PLA2G4D: variants seen among roughly 807,000 people sequenced by gnomAD.
PLA2G4D encodes the protein phospholipase A2 group IVD.
A neutral mutation model predicts 94.4 loss-of-function variants in PLA2G4D; 80 were observed. The observed-to-expected ratio is 0.85, with a 90% CI of 0.71 to 1.02. PLA2G4D has a LOEUF of 1.02. Among genes scored for constraint, PLA2G4D ranks in the 50% least tolerant of loss-of-function variants. PLA2G4D has a pLI of 0.00. For missense variants in PLA2G4D, 1,050 were observed against 1,034.7 expected (o/e 1.01, Z -0.20); for synonymous variants, 438 against 440.9 (o/e 0.99, Z 0.08).
At chr15:42,081,219 C>G (rs1029550996) in intron 11 of PLA2G4D, 86 bp from the exon 12 acceptor site, 4 of 1,547,638 alleles carry the variant, frequency 2.6e-6, no homozygotes, top group Non-Finnish European at 3.5e-6. Flanking sequence ...CGCTCCTTGT[C>G]TCCAGGGAAG....
At chr15:42,085,207 T>C in intron 5 of PLA2G4D, 69 bp from the exon 6 acceptor site, 1 of 1,570,938 alleles carries the variant, frequency 6.4e-7, no homozygotes, top group Non-Finnish European at 8.8e-7. Context: ...CCATGTGGGG[T>C]CTCCCTGGGT....
chr15:42,088,898 A>G (rs185247259), intron 1 of PLA2G4D, among the ~76,000 whole-genome samples: 8 of 152,264 alleles, frequency 5.3e-5, no homozygotes, highest in Admixed American at 2.0e-4. Flanking sequence ...GGCACCAAGC[A>G]CATGAAGGCC....
rs776950765 is a variant in PLA2G4D, at chr15:42,068,884, G to A, written c.2288C>T (p.Thr763Ile). ...QGGQVDLTGA[T>I]CPYTLSNMTY... is the part of the protein sequence containing the mutation. ...CATGTTGGACAGGGTGTAGGGGCAG[G>A]TGGCCCCGGTGAGATCCACTTGGCC... The change falls in exon 20 of 20, where the codon ACC becomes ATC. Residue 763 changes from threonine (T) to isoleucine (I), a missense_variant. Transcript: ENST00000290472. 11 of 1,613,436 alleles carry A rather than the reference G, an allele frequency of 6.8e-6. No individual in the cohort carries two copies. The highest frequency in any genetic ancestry group is 9.3e-6 in the Non-Finnish European group (11 of 1,180,004).
At chr15:42,071,364 TC>T (rs754009281) in intron 16 of PLA2G4D, 47 bp from the exon 17 acceptor site, 141 of 1,568,508 alleles carry the variant, frequency 9.0e-5, no homozygotes, top group Admixed American at 1.3e-4. Context: ...CCTTACTTCT[TC>T]CCCTCAGACA....
chr15:42,081,760 G>A (rs575564213), intron 10 of PLA2G4D, 37 bp downstream of exon 10: 19 of 1,613,824 alleles, frequency 1.2e-5, no homozygotes, highest in African/African-American at 8.0e-5. Flanking sequence ...CTGCATGCCC[G>A]CCTCTCACTG....
At chr15:42,081,679 C>A in intron 10 of PLA2G4D, 65 bp from the exon 11 acceptor site, 1 of 1,610,086 alleles carries the variant, frequency 6.2e-7, no homozygotes, top group East Asian at 2.2e-5. Context: ...GCTGGCCAAG[C>A]CCACAATGAG....
chr15:42,071,639 C>T lies in PLA2G4D; in HGVS notation c.1574-88G>A, dbSNP rs1889821390. 6 of 1,485,936 alleles carry T rather than the reference C, an allele frequency of 4.0e-6. No individual in the cohort carries two copies. The East Asian group carries it at 1.4e-4, about 34-fold the overall frequency. 92.0% of individuals were successfully genotyped at this position (1,485,936 alleles called of 1,614,324 possible). A position where few individuals can be genotyped will look rare whatever the true frequency, so the allele number is the denominator to read the frequency against. ...ATGGAAAATGGGAGTGGGGCGAGGG[C>T]TACCCCTACAATGCATCCCCCCCGC... On this transcript the variant is annotated intron_variant, in intron 15 of 19. Transcript: ENST00000290472.
At chr15:42,072,103 A>G (rs1889836046) in intron 14 of PLA2G4D, among the ~76,000 whole-genome samples, 172 bp downstream of exon 14, 1 of 152,144 alleles carries the variant, frequency 6.6e-6, no homozygotes, top group Admixed American at 6.5e-5. Context: ...CACACCCTCA[A>G]GCACTACCCA....
At chr15:42,091,367 T>C (rs1890241265) in intron 1 of PLA2G4D, among the ~76,000 whole-genome samples, 1 of 152,174 alleles carries the variant, frequency 6.6e-6, no homozygotes, top group African/African-American at 2.4e-5. Flanking sequence ...AACCAGGCCA[T>C]ACAGAGATAG....
intron 13 of PLA2G4D, among the ~76,000 whole-genome samples, chr15:42,075,501 G>A (rs917658058): frequency 5.9e-5 from 9 of 152,188 alleles, no homozygotes; most frequent in African/African-American, 2.2e-4. Context: ...AATATTTCTA[G>A]TAATTAAGTT....
In PLA2G4D at chr15:42,077,930, G is replaced by A. The variant is rs1031389183; in HGVS notation, c.1317+1607C>T. Reference sequence around the variant, plus strand: ...TTGGAGACTGGCTGAAACAGGGAAGGGCTGAAAGCACCTCTCTGTAAGGCA... The same window carrying A: ...TTGGAGACTGGCTGAAACAGGGAAGAGCTGAAAGCACCTCTCTGTAAGGCA... On this transcript the variant is annotated intron_variant, in intron 13 of 19. Transcript: ENST00000290472. Among the ~76,000 whole-genome samples the A allele has an allele frequency of 2.6e-5, 4 of 152,202 alleles. No homozygotes were observed. The East Asian group carries it at 7.7e-4, about 29-fold the overall frequency.
At chr15:42,071,679 GTC>G in intron 15 of PLA2G4D, 93 bp downstream of exon 15, 7 of 1,055,040 alleles carry the variant, frequency 6.6e-6, no homozygotes, top group Non-Finnish European at 9.6e-6. Flanking sequence ...CCTCCCCCTT[GTC>G]CTGAGGTTCT....
chr15:42,081,182 C>T, intron 11 of PLA2G4D, 49 bp from the exon 12 acceptor site: 1 of 1,593,302 alleles, frequency 6.3e-7, no homozygotes, highest in Non-Finnish European at 8.6e-7. Flanking sequence ...GGGCCAGCTG[C>T]CTCCTGTCTC....
intron 12 of PLA2G4D, 111 bp downstream of exon 12, chr15:42,080,886 C>T: frequency 2.2e-6 from 3 of 1,368,780 alleles, no homozygotes; most frequent in Non-Finnish European, 2.9e-6. Context: ...CCCATCAGAT[C>T]ACAATGATCA....
chr15:42,069,978 A>G lies in PLA2G4D; in HGVS notation c.2161T>C (p.Cys721Arg). Residue 721 changes from cysteine to arginine, a missense_variant, in exon 19 of 20, where the codon TGC becomes CGC. Coordinates refer to ENST00000290472, the MANE Select transcript of PLA2G4D (RefSeq NM_178034.4). The stretch of plus-strand genomic sequence containing the variant: ...TGCAGCAGGATCGGGGCCTCGGGGC[A>G]GGCGGGGTCTGAGAAGAGGTGGCAT... Reference protein sequence around the residue: ...RECHLFSDPACPEAPILLHFP... With the variant: ...RECHLFSDPARPEAPILLHFP... 2.7e-6 allele frequency: 4 copies of G among 1,477,142 alleles called. No individual in the cohort carries two copies. The highest frequency in any genetic ancestry group is 3.6e-6 in the Non-Finnish European group (4 of 1,118,154). The allele number at this position is 1,477,142 out of a possible 1,614,324, so 91.5% of individuals were successfully genotyped here.
intron 13 of PLA2G4D, among the ~76,000 whole-genome samples, chr15:42,078,579 A>T (rs1404917013): frequency 6.6e-6 from 1 of 152,242 alleles, no homozygotes; most frequent in African/African-American, 2.4e-5. Flanking sequence ...AATAATATTT[A>T]AAGAAAAAAG....
rs541094132 is a variant in PLA2G4D, at chr15:42,085,577, T to C, written c.388-46A>G. On this transcript the variant is annotated intron_variant, in intron 4 of 19. Transcript: ENST00000290472. ...CAAGTCATCAGCACATACCTGTGTC[T>C]TCAGAGTTGACACAGTTCTTTTACA... The C allele has an allele frequency of 6.3e-6, 10 of 1,582,054 alleles. No homozygotes were observed. In the East Asian group the frequency reaches 2.0e-4, roughly 32 times the overall value.
In PLA2G4D at chr15:42,087,693, G is replaced by A. The variant is rs1187131463; in HGVS notation, c.53C>T (p.Ala18Val). The A allele has an allele frequency of 1.2e-6, 2 of 1,614,090 alleles. No individual in the cohort carries two copies. The highest frequency in any genetic ancestry group is 8.5e-7 in the Non-Finnish European group (1 of 1,180,004). The part of the protein sequence containing the change: ...GPPGHPYQGE[A>V]STCWQLTVRV... ...CACTGTGAGCTGCCAGCAGGTAGAG[G>A]CCTCCCCCTGAAGAGAAAATCAAAC... Residue 18 changes from alanine to valine, a missense_variant, in exon 2 of 20, where the codon GCC becomes GTC. Transcript: ENST00000290472.
intron 18 of PLA2G4D, 159 bp downstream of exon 18, chr15:42,070,558 C>G: frequency 4.2e-6 from 4 of 944,596 alleles, no homozygotes; most frequent in Non-Finnish European, 6.2e-6. Context: ...CCAGCCTTCC[C>G]ACCTAAGGAC....
Sources: allele counts gnomAD v4.1 joint callset (sites outside exome capture counted in the v4.1 genomes callset), GRCh38; gene constraint gnomAD v4.1.1; transcripts MANE v1.5; gene names NCBI Gene and HGNC (gene_info 2026-07-23, HGNC 2026-07-21).